The following TOM1L1 variants were observed in gnomAD, a reference collection of about 807,000 sequenced individuals.
TOM1L1 encodes target of myb1 like 1 membrane trafficking protein.
A neutral mutation model predicts 63.4 loss-of-function variants in TOM1L1; 64 were observed. The observed-to-expected ratio is 1.01, with a 90% CI of 0.83 to 1.24. The LOEUF is 1.24. Among genes scored for constraint, TOM1L1 ranks in the 50% most tolerant of loss-of-function variants. The pLI is 0.00. For synonymous variants in TOM1L1, 166 were observed against 194.4 expected, an observed-to-expected ratio of 0.85 and a Z score of 1.22; for missense variants, 536 against 567.0, an observed-to-expected ratio of 0.95 and a Z score of 0.55.
In TOM1L1 at chr17:54,951,973, C is replaced by T. The variant is rs527499409; in HGVS notation, c.1370+1847C>T. On this transcript the variant is annotated intron_variant, in intron 14 of 15. Transcript: ENST00000575882. Reference sequence around the variant, plus strand: ...GGGGCCAGGATCAGAAAGCGTTCTTCTGTAACTTCTTCATGTTGACCAGGG... The same window carrying T: ...GGGGCCAGGATCAGAAAGCGTTCTTTTGTAACTTCTTCATGTTGACCAGGG... 3 of 152,286 alleles carry T rather than the reference C, an allele frequency of 2.0e-5. No homozygotes were observed. The East Asian group carries it at 5.8e-4, about 29-fold the overall frequency. The allele number at this position is 152,286 out of a possible 1,614,324, so 9.4% of individuals were successfully genotyped here.
At chr17:54,950,023 T>G (rs982431988) in intron 13 of TOM1L1, 22 bp from the exon 14 acceptor site, 2 of 1,594,676 alleles carry the variant, frequency 1.3e-6, no homozygotes, top group Non-Finnish European at 1.7e-6. Flanking sequence ...ATATGTTTAC[T>G]GGTCTCTTTT....
At chr17:54,947,425 A>G (rs1259951970) in intron 12 of TOM1L1, 113 bp downstream of exon 12, 1 of 1,188,440 alleles carries the variant, frequency 8.4e-7, no homozygotes, top group Non-Finnish European at 1.2e-6. Context: ...GTTGATGCGC[A>G]GCCCCTGTTA....
intron 11 of TOM1L1, among the ~76,000 whole-genome samples, chr17:54,941,246 C>G (rs1206241756): frequency 6.6e-6 from 1 of 152,092 alleles, no homozygotes; most frequent in Non-Finnish European, 1.5e-5. Context: ...AAAAAGTTTC[C>G]TAGTGTTTTG....
chr17:54,923,441 T>C (rs975938408), intron 7 of TOM1L1, among the ~76,000 whole-genome samples: 1 of 152,004 alleles, frequency 6.6e-6, no homozygotes, highest in Non-Finnish European at 1.5e-5. Context: ...AGGTGTGAAG[T>C]GGTATCTCAT....
At chr17:54,934,532 C>T (rs2048915325) in intron 8 of TOM1L1, among the ~76,000 whole-genome samples, 1 of 152,118 alleles carries the variant, frequency 6.6e-6, no homozygotes, top group African/African-American at 2.4e-5. Flanking sequence ...CATATCCATC[C>T]ACTTGCAAAA....
In TOM1L1 at chr17:54,937,132, A is replaced by G; in HGVS notation, c.939A>G (p.Pro313=). Residue 313 remains proline, a synonymous_variant, in exon 10 of 16, where the codon CCA becomes CCG. Coordinates refer to ENST00000575882, the MANE Select transcript of TOM1L1 (RefSeq NM_005486.3). ...AGACTACCAGTGAGCCTTCTGCCCCATCTCAAGATCTCCTCGACCTAAGTC... is the reference window on the plus strand; with the variant it reads ...AGACTACCAGTGAGCCTTCTGCCCCGTCTCAAGATCTCCTCGACCTAAGTC... The part of the protein sequence containing the change: ...ATNTTSEPSA[P]SQDLLDLSPS... 1 of 1,610,030 alleles carries G rather than the reference A, an allele frequency of 6.2e-7. No homozygotes were observed. The highest frequency in any genetic ancestry group is 8.5e-7 in the Non-Finnish European group (1 of 1,179,022).
chr17:54,916,706 T>C (rs1405579279), intron 7 of TOM1L1: 1 of 152,214 alleles, frequency 6.6e-6, no homozygotes, highest in Non-Finnish European at 1.5e-5. Context: ...TAAATAACTT[T>C]TTCCTTGCTC....
chr17:54,932,127 G>C (rs2048872562), intron 8 of TOM1L1, among the ~76,000 whole-genome samples: 1 of 152,026 alleles, frequency 6.6e-6, no homozygotes, highest in African/African-American at 2.4e-5. Flanking sequence ...GTTAAAGAAG[G>C]AAGGGGTTTA....
chr17:54,924,283 C>CTTTTT (rs35210443), intron 7 of TOM1L1, among the ~76,000 whole-genome samples: 1 of 137,538 alleles, frequency 7.3e-6, no homozygotes, highest in African/African-American at 2.7e-5. Flanking sequence ...TTTCTTTTTT[C>CTTTTT]TTTTTTTTTT....
intron 2 of TOM1L1, among the ~76,000 whole-genome samples, chr17:54,904,132 C>T (rs1235265707): frequency 6.6e-6 from 1 of 152,078 alleles, no homozygotes; most frequent in Non-Finnish European, 1.5e-5. Context: ...CTTTGGGAGG[C>T]CGAGGCGGGC....
intron 1 of TOM1L1, among the ~76,000 whole-genome samples, chr17:54,902,171 A>C (rs1335250043): frequency 6.6e-6 from 1 of 152,234 alleles, no homozygotes; most frequent in Non-Finnish European, 1.5e-5. Context: ...AAACACACAA[A>C]ACTTAGGAGA....
chr17:54,950,227 G>C, intron 14 of TOM1L1, 101 bp downstream of exon 14: 1 of 830,836 alleles, frequency 1.2e-6, no homozygotes, highest in Non-Finnish European at 1.9e-6. Context: ...TTTAGGTCTT[G>C]GCAGAAATTG....
intron 3 of TOM1L1, among the ~76,000 whole-genome samples, chr17:54,909,890 CAT>C (rs1598005742): frequency 6.6e-6 from 1 of 152,144 alleles, no homozygotes; most frequent in South Asian, 2.1e-4. Context: ...TATGTGAAAA[CAT>C]ATTTAATTTT....
At chr17:54,909,736 T>C (rs1164296453) in intron 3 of TOM1L1, among the ~76,000 whole-genome samples, 2 of 152,168 alleles carry the variant, frequency 1.3e-5, no homozygotes, top group African/African-American at 2.4e-5. Context: ...GCCCAAAAGA[T>C]CAGTGAAGCC....
chr17:54,949,203 A>ATTTT (rs58407367), intron 12 of TOM1L1, among the ~76,000 whole-genome samples: 24,429 of 121,764 alleles, frequency 0.2, 3,345 homozygotes, highest in Non-Finnish European at 0.27. Context: ...ATGCCCAGCT[A>ATTTT]TTTTTTTTTT....
chr17:54,910,172 A>G (rs2048474496), intron 3 of TOM1L1, among the ~76,000 whole-genome samples: 1 of 152,138 alleles, frequency 6.6e-6, no homozygotes, highest in South Asian at 2.1e-4. Flanking sequence ...TTAGTTTGTG[A>G]GGGCCAGGTG....
At chr17:54,904,493 G>T (rs1225702940) in intron 2 of TOM1L1, among the ~76,000 whole-genome samples, 1 of 152,048 alleles carries the variant, frequency 6.6e-6, no homozygotes, top group African/African-American at 2.4e-5. Flanking sequence ...GTTGACTCCC[G>T]GTGGTGACCT....
chr17:54,947,467 G>A, intron 12 of TOM1L1, 155 bp downstream of exon 12: 1 of 715,076 alleles, frequency 1.4e-6, no homozygotes, highest in Non-Finnish European at 2.4e-6. Flanking sequence ...TTTTTTTGGA[G>A]TTTGTATTTG....
intron 3 of TOM1L1, among the ~76,000 whole-genome samples, chr17:54,908,656 T>C: frequency 6.6e-6 from 1 of 152,214 alleles, no homozygotes; most frequent in Admixed American, 6.5e-5. Context: ...TATGATTTCC[T>C]ACCATCAGTC....
Sources: allele counts gnomAD v4.1 joint callset (sites outside exome capture counted in the v4.1 genomes callset), GRCh38; gene constraint gnomAD v4.1.1; transcripts MANE v1.5; gene names NCBI Gene and HGNC (gene_info 2026-07-23, HGNC 2026-07-21).